Variants in MSRB3 observed in about 807,000 individuals in gnomAD.
MSRB3 encodes the protein methionine-R-sulfoxide reductase B3.
In MSRB3, 13 loss-of-function variants were observed where a neutral mutation model predicts 21.0. The observed-to-expected ratio is 0.62, with a 90% CI of 0.40 to 0.98. The LOEUF (loss-of-function observed/expected upper bound fraction) is 0.98. Among genes scored for constraint, MSRB3 ranks in the 50% least tolerant of loss-of-function variants. The pLI is 0.00. For missense variants in MSRB3, 199 were observed against 230.3 expected, an observed-to-expected ratio of 0.86 and a Z score of 0.88; for synonymous variants, 87 against 88.6, an observed-to-expected ratio of 0.98 and a Z score of 0.10.
chr12:65,323,557 C>A (rs1874827292), intron 2 of MSRB3, among the ~76,000 whole-genome samples: 3 of 152,160 alleles, frequency 2.0e-5, no homozygotes, highest in Admixed American at 2.0e-4. Context: ...CCCAAACATA[C>A]TTCTAAGCCA....
chr12:65,307,635 T>C (rs1873736244), intron 1 of MSRB3, among the ~76,000 whole-genome samples: 1 of 152,184 alleles, frequency 6.6e-6, no homozygotes, highest in Non-Finnish European at 1.5e-5. Flanking sequence ...AATTGAAATA[T>C]TGTAAAAAAC....
At chr12:65,459,996 C>T (rs983335651) in intron 6 of MSRB3, among the ~76,000 whole-genome samples, 8 of 152,158 alleles carry the variant, frequency 5.3e-5, no homozygotes, top group African/African-American at 1.9e-4. Context: ...TTTGAACAAT[C>T]ATCTGATGCT....
chr12:65,432,731 A>G (rs1881940894), intron 5 of MSRB3, among the ~76,000 whole-genome samples: 1 of 151,916 alleles, frequency 6.6e-6, no homozygotes, highest in South Asian at 2.1e-4. Context: ...CCAGTCAGAG[A>G]AGCAGTGGTT....
Position 65,397,330 on chromosome 12 carries a change from T to C in MSRB3, c.292+28304T>C, listed in dbSNP as rs925458393. 1.6e-4 allele frequency among the ~76,000 whole-genome samples: 24 copies of C among 152,314 alleles called. 1 individual carries two copies. Among genetic ancestry groups the C allele is most frequent in the African/African-American group, 5.8e-4 (24 of 41,564 alleles). On this transcript the variant is annotated intron_variant, in intron 5 of 6. Coordinates refer to ENST00000308259, the MANE Select transcript of MSRB3 (RefSeq NM_001031679.3). The stretch of plus-strand genomic sequence containing the variant: ...TGAACCATTCTGACAATCTCTGCTT[T>C]TTAAGTGGCATCTTTAGACCATTGA...
intron 6 of MSRB3, among the ~76,000 whole-genome samples, chr12:65,457,201 T>C (rs1443707689): frequency 6.6e-6 from 1 of 152,136 alleles, no homozygotes; most frequent in Non-Finnish European, 1.5e-5. Context: ...TCAGAACTTC[T>C]CCCGTTTATT....
intron 5 of MSRB3, among the ~76,000 whole-genome samples, chr12:65,404,295 C>T (rs1470420671): frequency 6.6e-6 from 1 of 152,204 alleles, no homozygotes; most frequent in Non-Finnish European, 1.5e-5. Context: ...TACAACTAAT[C>T]CAAACCCACT....
intron 6 of MSRB3, among the ~76,000 whole-genome samples, chr12:65,462,580 GT>G (rs1883378146): frequency 6.6e-6 from 1 of 152,188 alleles, no homozygotes; most frequent in Non-Finnish European, 1.5e-5. Flanking sequence ...TGCTAGAGAT[GT>G]TTCCTTTTGC....
At chr12:65,427,444 T>C (rs1182732509) in intron 5 of MSRB3, among the ~76,000 whole-genome samples, 2 of 152,184 alleles carry the variant, frequency 1.3e-5, no homozygotes, top group Non-Finnish European at 2.9e-5. Context: ...GAGTTTTCTA[T>C]GATAATGGCA....
At chr12:65,420,089 G>T in intron 5 of MSRB3, 1 of 459,830 alleles carries the variant, frequency 2.2e-6, no homozygotes. Flanking sequence ...GTTTTGTATG[G>T]TGTGAGATGA....
At chr12:65,329,534 C>T (rs544766687) in intron 4 of MSRB3, among the ~76,000 whole-genome samples, 1 of 151,948 alleles carries the variant, frequency 6.6e-6, no homozygotes, top group African/African-American at 2.4e-5. Flanking sequence ...CCTGTAGTCC[C>T]AGCTACTCGG....
chr12:65,430,119 T>C (rs1565888578), intron 5 of MSRB3, among the ~76,000 whole-genome samples: 1 of 152,198 alleles, frequency 6.6e-6, no homozygotes, highest in East Asian at 1.9e-4. Flanking sequence ...ATGTAAGTGC[T>C]GGTTTGAAGA....
intron 5 of MSRB3, among the ~76,000 whole-genome samples, chr12:65,448,184 A>G (rs1167215964): frequency 6.6e-6 from 1 of 152,196 alleles, no homozygotes; most frequent in African/African-American, 2.4e-5. Context: ...GCTGTCTTAC[A>G]GAGTGGGGAG....
At chr12:65,287,398 G>T (rs1192597495) in intron 1 of MSRB3, among the ~76,000 whole-genome samples, 1 of 152,158 alleles carries the variant, frequency 6.6e-6, no homozygotes, top group Non-Finnish European at 1.5e-5. Context: ...AAAGTGCTGG[G>T]ATTATAGGCA....
intron 5 of MSRB3, among the ~76,000 whole-genome samples, chr12:65,382,355 T>TAC (rs141757994): frequency 9.2e-5 from 2 of 21,784 alleles, no homozygotes; most frequent in African/African-American, 1.2e-4. Context: ...TGGAGTTTTA[T>TAC]TCTTAGATTT....
chr12:65,338,299 G>A, intron 4 of MSRB3, among the ~76,000 whole-genome samples: 1 of 152,190 alleles, frequency 6.6e-6, no homozygotes, highest in Non-Finnish European at 1.5e-5. Flanking sequence ...ACGTTTGGTA[G>A]CACCATTACA....
chr12:65,330,533 G>A (rs1222161330), intron 4 of MSRB3, among the ~76,000 whole-genome samples: 1 of 152,128 alleles, frequency 6.6e-6, no homozygotes, highest in African/African-American at 2.4e-5. Context: ...ACTTCTGTAT[G>A]TGTACTTTCC....
At chr12:65,333,539 T>A (rs1382204415) in intron 4 of MSRB3, among the ~76,000 whole-genome samples, 1 of 152,130 alleles carries the variant, frequency 6.6e-6, no homozygotes, top group Non-Finnish European at 1.5e-5. Context: ...GAAGGTGGGT[T>A]ATGTTGGGAG....
intron 5 of MSRB3, among the ~76,000 whole-genome samples, chr12:65,423,171 AG>A (rs1881411236): frequency 6.6e-6 from 1 of 152,064 alleles, no homozygotes; most frequent in Non-Finnish European, 1.5e-5. Context: ...CATGTTGACC[AG>A]GCTTGTCTCA....
chr12:65,462,398 T>C (rs1883369792), intron 6 of MSRB3, among the ~76,000 whole-genome samples: 2 of 152,222 alleles, frequency 1.3e-5, no homozygotes, highest in South Asian at 4.1e-4. Context: ...CAACATGATG[T>C]TCCTTCTGCC....
Sources: allele counts gnomAD v4.1 joint callset (sites outside exome capture counted in the v4.1 genomes callset), GRCh38; gene constraint gnomAD v4.1.1; transcripts MANE v1.5; gene names NCBI Gene and HGNC (gene_info 2026-07-23, HGNC 2026-07-21).